The following CDH4 variants were observed in gnomAD, a reference collection of about 807,000 sequenced individuals.
CDH4 encodes cadherin 4.
CDH4 carries 33 observed loss-of-function variants against 86.0 expected under a neutral mutation model. The ratio of observed to expected loss-of-function variants is 0.38; its 90% CI spans 0.29 to 0.51. CDH4 has a LOEUF of 0.51. Ranked by LOEUF, CDH4 falls within the 20% of genes least tolerant of loss-of-function variation. The pLI, the probability that CDH4 is intolerant of heterozygous loss-of-function variation, is 0.86. For synonymous variants in CDH4, 555 were observed against 549.4 expected (o/e 1.01, Z -0.14); for missense variants, 1,114 against 1,307.4 (o/e 0.85, Z 2.28).
In CDH4 at chr20:61,480,552, G is replaced by A. The variant is rs546586265; in HGVS notation, c.169+225615G>A. Among the ~76,000 whole-genome samples the A allele has an allele frequency of 1.2e-4, 19 of 152,302 alleles. No individual in the cohort carries two copies. The highest frequency in any genetic ancestry group is 1.0e-3 in the South Asian group (5 of 4,824). ...AGGCCCCTCCCTTCCCAGTGGCAGC[G>A]AATCCCCGTCCTGACCGGGGCCTGG... On this transcript the variant is annotated intron_variant, in intron 2 of 15. Transcript: ENST00000614565. The surrounding 1 kb of genome is among the most constrained non-coding windows in gnomAD (Gnocchi z 5.2).
intron 2 of CDH4, among the ~76,000 whole-genome samples, chr20:61,674,395 T>G (rs983571649): frequency 2.0e-5 from 3 of 152,104 alleles, no homozygotes; most frequent in Admixed American, 6.5e-5. Context: ...AGGGTGGGCA[T>G]TAACTAGAAG....
At chr20:61,847,783 TGA>T (rs148387985) in intron 5 of CDH4, among the ~76,000 whole-genome samples, 52 of 144,312 alleles carry the variant, frequency 3.6e-4, no homozygotes, top group Admixed American at 4.8e-4. Flanking sequence ...GTGGCAGGAG[TGA>T]GAGAGAGAGA....
intron 2 of CDH4, among the ~76,000 whole-genome samples, chr20:61,565,115 GGTGCTCT>G (rs2086259985): frequency 1.5e-5 from 2 of 135,212 alleles, no homozygotes; most frequent in Non-Finnish European, 3.3e-5. Context: ...TGGTGGTGCT[GGTGCTCT>G]TGGTGGTGCT....
intron 9 of CDH4, among the ~76,000 whole-genome samples, chr20:61,920,730 G>A (rs1025634402): frequency 3.3e-5 from 5 of 150,346 alleles, no homozygotes; most frequent in Admixed American, 6.6e-5. Context: ...TTGCATGGAA[G>A]CGTGGTGTGG....
intron 2 of CDH4, among the ~76,000 whole-genome samples, chr20:61,497,449 T>A (rs1600712865): frequency 6.6e-6 from 1 of 151,896 alleles, no homozygotes; most frequent in Admixed American, 6.6e-5. Context: ...AGATTTGGGG[T>A]TTTTTGTTGT....
intron 2 of CDH4, among the ~76,000 whole-genome samples, chr20:61,312,363 T>C (rs563608223): frequency 5.3e-5 from 8 of 151,630 alleles, no homozygotes; most frequent in Non-Finnish European, 1.0e-4. Flanking sequence ...CATTTTGTGA[T>C]GTATGCATAT....
intron 7 of CDH4, among the ~76,000 whole-genome samples, chr20:61,880,714 G>C (rs1309784397): frequency 6.6e-6 from 1 of 152,238 alleles, no homozygotes; most frequent in East Asian, 1.9e-4. Flanking sequence ...GATGCAGAGA[G>C]AGGGTCGAGG....
At chr20:61,932,321 ACT>A (rs1191278676) in intron 13 of CDH4, among the ~76,000 whole-genome samples, 2 of 152,034 alleles carry the variant, frequency 1.3e-5, no homozygotes, top group African/African-American at 4.8e-5. Flanking sequence ...TAAATCAATG[ACT>A]CAAAATGTAG....
intron 3 of CDH4, among the ~76,000 whole-genome samples, chr20:61,748,434 T>C (rs542373479): frequency 1.4e-4 from 21 of 152,328 alleles, no homozygotes; most frequent in Non-Finnish European, 2.8e-4. Flanking sequence ...AATTCTATCA[T>C]CCAGTAAAAC....
chr20:61,255,866 A>G lies in CDH4; in HGVS notation c.169+929A>G, dbSNP rs111831577. On this transcript the variant is annotated intron_variant, in intron 2 of 15. Transcript: ENST00000614565. Reference sequence around the variant, plus strand: ...TGATTTTTCAGATCCTCGCCCTTCAAGACAGAACTTGTTGACGTGCCTTGT... The same window carrying G: ...TGATTTTTCAGATCCTCGCCCTTCAGGACAGAACTTGTTGACGTGCCTTGT... Among the ~76,000 whole-genome samples, 469 of 152,332 alleles carry G rather than the reference A, an allele frequency of 3.1e-3. 1 individual carries two copies. Among genetic ancestry groups the G allele is most frequent in the African/African-American group, 0.011 (449 of 41,572 alleles).
intron 3 of CDH4, among the ~76,000 whole-genome samples, chr20:61,751,009 A>G (rs1253922411): frequency 6.6e-6 from 1 of 152,254 alleles, no homozygotes; most frequent in African/African-American, 2.4e-5. Context: ...TGGAAGGCTT[A>G]TGTTAGAATA....
chr20:61,844,900 C>A, intron 5 of CDH4, 77 bp downstream of exon 5: 1 of 1,433,948 alleles, frequency 7.0e-7, no homozygotes, highest in Non-Finnish European at 9.5e-7. Flanking sequence ...CAGGTGCCCC[C>A]AGCAGGGCCA....
At chr20:61,620,493 T>C (rs1488528379) in intron 2 of CDH4, among the ~76,000 whole-genome samples, 1 of 152,040 alleles carries the variant, frequency 6.6e-6, no homozygotes, top group Non-Finnish European at 1.5e-5. Flanking sequence ...GGATGATGGA[T>C]GGATGATAGA....
At chr20:61,519,172 C>T (rs1355299126) in intron 2 of CDH4, among the ~76,000 whole-genome samples, 3 of 152,180 alleles carry the variant, frequency 2.0e-5, no homozygotes, top group Admixed American at 6.5e-5. Context: ...ATTCACAGTC[C>T]GCAAGGAAGA....
chr20:61,903,633 T>C (rs1035213853), intron 8 of CDH4, among the ~76,000 whole-genome samples: 1 of 151,978 alleles, frequency 6.6e-6, no homozygotes, highest in Admixed American at 6.6e-5. Flanking sequence ...TTGTTATTCA[T>C]TCGCGGATGT....
intron 2 of CDH4, among the ~76,000 whole-genome samples, chr20:61,271,838 C>T (rs570455251): frequency 6.6e-6 from 1 of 152,316 alleles, no homozygotes; most frequent in South Asian, 2.1e-4. Flanking sequence ...GAGCTCTCCC[C>T]TCAACGTGCC....
chr20:61,499,409 T>C (rs183695377), intron 2 of CDH4: 26 of 1,264,002 alleles, frequency 2.1e-5, no homozygotes, highest in Non-Finnish European at 2.7e-5. Flanking sequence ...GGGGTGCAGG[T>C]GTGCCTGGTT....
intron 2 of CDH4, among the ~76,000 whole-genome samples, chr20:61,282,371 A>G (rs2866011): frequency 0.52 from 79,391 of 152,102 alleles, 21,703 homozygotes; most frequent in East Asian, 0.73. Context: ...AAAAGAAAAA[A>G]GAAATTCACC....
At chr20:61,265,334 G>C (rs1210429938) in intron 2 of CDH4, among the ~76,000 whole-genome samples, 1 of 143,366 alleles carries the variant, frequency 7.0e-6, no homozygotes, top group South Asian at 2.2e-4. Context: ...CCTTCATTCA[G>C]TCCTACACAT....
Sources: allele counts gnomAD v4.1 joint callset (sites outside exome capture counted in the v4.1 genomes callset), GRCh38; gene constraint gnomAD v4.1.1; non-coding constraint Gnocchi (gnomAD v3.1); transcripts MANE v1.5; gene names NCBI Gene and HGNC (gene_info 2026-07-23, HGNC 2026-07-21).